Variants in LHX8 observed in about 807,000 individuals in gnomAD.
LHX8 encodes the protein LIM homeobox 8.
A neutral mutation model predicts 40.3 loss-of-function variants in LHX8; 12 were observed. The ratio of observed to expected loss-of-function variants is 0.30; its 90% CI spans 0.19 to 0.48. The LOEUF (loss-of-function observed/expected upper bound fraction) is 0.48. Among genes scored for constraint, LHX8 ranks in the 20% least tolerant of loss-of-function variants. The pLI is 0.99. For missense variants in LHX8, 344 were observed against 433.7 expected (o/e 0.79, Z 1.84); for synonymous variants, 179 against 162.0 (o/e 1.10, Z -0.80).
chr1:75,173,652 G>A, the LHX8 span, among the ~76,000 whole-genome samples: 7 of 151,958 alleles, frequency 4.6e-5, no homozygotes, highest in African/African-American at 1.7e-4. Flanking sequence ...AAAATGCTGG[G>A]ATTACAGGCG....
At chr1:75,129,318 A>G (rs556602877) in intron 1 of LHX8, among the ~76,000 whole-genome samples, 2 of 152,170 alleles carry the variant, frequency 1.3e-5, no homozygotes, top group African/African-American at 2.4e-5. Flanking sequence ...GGAGAGGAGG[A>G]GGATAGGAAG....
chr1:75,160,725 G>T, intron 8 of LHX8, 94 bp from the exon 9 acceptor site: 1 of 847,110 alleles, frequency 1.2e-6, no homozygotes, highest in South Asian at 1.3e-5. Flanking sequence ...TATAATGAGT[G>T]ATGAAAACAA....
chr1:75,171,035 T>G, the LHX8 span, among the ~76,000 whole-genome samples: 1 of 152,128 alleles, frequency 6.6e-6, no homozygotes, highest in Non-Finnish European at 1.5e-5. Flanking sequence ...CTTTAATTTC[T>G]TTTTTCACCA....
intron 1 of LHX8, among the ~76,000 whole-genome samples, chr1:75,135,279 T>C (rs1382471421): frequency 2.0e-5 from 3 of 152,212 alleles, no homozygotes; most frequent in African/African-American, 7.2e-5. Flanking sequence ...CTGTGGGTAT[T>C]TGGTGTTTTA....
the LHX8 span, among the ~76,000 whole-genome samples, chr1:75,197,173 A>AT: frequency 6.6e-6 from 1 of 152,284 alleles, no homozygotes; most frequent in Admixed American, 6.5e-5. Context: ...ACACAGAAAC[A>AT]TTTTTTGTTA....
chr1:75,142,528 T>A (rs1648343651), intron 4 of LHX8, among the ~76,000 whole-genome samples: 1 of 152,180 alleles, frequency 6.6e-6, no homozygotes, highest in Admixed American at 6.5e-5. Context: ...ACAATAGCTT[T>A]TTCACCAAAG....
chr1:75,177,040 T>C, the LHX8 span, among the ~76,000 whole-genome samples: 1 of 152,314 alleles, frequency 6.6e-6, no homozygotes. Context: ...TATATCTCTG[T>C]TTTGGTACCA....
downstream of LHX8, among the ~76,000 whole-genome samples, chr1:75,165,220 G>T (rs114376860): frequency 6.6e-6 from 1 of 152,006 alleles, no homozygotes; most frequent in South Asian, 2.1e-4. Flanking sequence ...TTTTAAATGC[G>T]TTTCTGTATA....
At chr1:75,150,530 T>G (rs1648578072) in intron 7 of LHX8, among the ~76,000 whole-genome samples, 1 of 151,948 alleles carries the variant, frequency 6.6e-6, no homozygotes, top group African/African-American at 2.4e-5. Flanking sequence ...GAGGTGCTAT[T>G]TAAATGGGAC....
intron 1 of LHX8, among the ~76,000 whole-genome samples, chr1:75,135,969 T>G (rs1481076977): frequency 3.3e-5 from 5 of 152,214 alleles, no homozygotes; most frequent in Admixed American, 6.5e-5. Context: ...TGGCTCGGTT[T>G]AATCTGAAGC....
intron 2 of LHX8, 102 bp downstream of exon 2, chr1:75,136,791 C>T (rs1296691484): frequency 1.1e-6 from 1 of 925,262 alleles, no homozygotes; most frequent in Non-Finnish European, 1.7e-6. Context: ...CCAGCTGGCC[C>T]CTCCTGCAGC....
At chr1:75,142,918 T>C (rs916835570) in intron 4 of LHX8, among the ~76,000 whole-genome samples, 200 bp from the exon 5 acceptor site, 1 of 152,194 alleles carries the variant, frequency 6.6e-6, no homozygotes, top group Non-Finnish European at 1.5e-5. Flanking sequence ...TATAAACAGC[T>C]TTGAGTTGTG....
intron 8 of LHX8, among the ~76,000 whole-genome samples, chr1:75,158,117 T>A (rs1032989770): frequency 1.8e-4 from 27 of 152,220 alleles, no homozygotes; most frequent in Admixed American, 1.4e-3. Context: ...TGCAGTGCAA[T>A]CTTATTTTAA....
chr1:75,171,772 C>T, the LHX8 span, among the ~76,000 whole-genome samples: 2 of 152,174 alleles, frequency 1.3e-5, no homozygotes, highest in African/African-American at 2.4e-5. Context: ...TAAAGTTTCT[C>T]TTGCCTTCCC....
upstream of LHX8, among the ~76,000 whole-genome samples, chr1:75,133,706 C>G (rs533772177): frequency 2.0e-5 from 3 of 152,308 alleles, no homozygotes; most frequent in South Asian, 2.1e-4. Context: ...ATACCTCCCT[C>G]CGCCGCTTCC....
At chr1:75,183,435 G>A in the LHX8 span, among the ~76,000 whole-genome samples, 13 of 152,002 alleles carry the variant, frequency 8.6e-5, no homozygotes, top group Non-Finnish European at 1.6e-4. Context: ...GCTGCTCAGC[G>A]GAAACCTTAC....
chr1:75,190,953 T>C, the LHX8 span, among the ~76,000 whole-genome samples: 1 of 152,178 alleles, frequency 6.6e-6, no homozygotes, highest in East Asian at 1.9e-4. Flanking sequence ...TACATGACTC[T>C]GTTTGTTAAA....
chr1:75,168,920 C>T, the LHX8 span, among the ~76,000 whole-genome samples: 1 of 152,214 alleles, frequency 6.6e-6, no homozygotes, highest in African/African-American at 2.4e-5. Flanking sequence ...TCATCTCCCA[C>T]CTGGACTATT....
At chr1:75,163,450 G>A (rs1473806675), downstream of LHX8, among the ~76,000 whole-genome samples, 1 of 152,136 alleles carries the variant, frequency 6.6e-6, no homozygotes, top group East Asian at 1.9e-4. Flanking sequence ...AATTTAGGTT[G>A]CAATACACTA....
Sources: gnomAD v4.1 joint callset for allele counts (sites outside exome capture counted in the v4.1 genomes callset) on GRCh38, gnomAD v4.1.1 for gene constraint, MANE v1.5 for transcripts, NCBI Gene and HGNC (gene_info 2026-07-23, HGNC 2026-07-21) for gene names.